SMU1: variants seen among roughly 807,000 people sequenced by gnomAD.
SMU1 encodes the protein SMU1 DNA replication regulator and spliceosomal factor.
Under a neutral mutation model 62.0 loss-of-function variants are expected in SMU1, and 2 were observed. The ratio of observed to expected loss-of-function variants is 0.03; its 90% CI spans 0.01 to 0.10. The LOEUF is 0.10. SMU1 is among the 10% of genes least tolerant of loss of function. The pLI is 1.00. For synonymous variants in SMU1, 188 were observed against 212.4 expected (o/e 0.89, Z 1.00); for missense variants, 227 against 622.1 (o/e 0.36, Z 6.76).
chr9:33,069,112 C>T (rs147435596), intron 3 of SMU1, among the ~76,000 whole-genome samples, 178 bp from the exon 4 acceptor site: 24 of 152,202 alleles, frequency 1.6e-4, no homozygotes, highest in Non-Finnish European at 2.9e-4. Context: ...CAATTCTGCC[C>T]GCTTGCATTT....
At chr9:33,071,272 A>C (rs776141683) in intron 3 of SMU1, among the ~76,000 whole-genome samples, 11 of 152,210 alleles carry the variant, frequency 7.2e-5, no homozygotes, top group Non-Finnish European at 1.5e-4. Context: ...AACTATACAG[A>C]TAATAACGTT....
intron 4 of SMU1, 37 bp downstream of exon 4, chr9:33,068,787 G>T (rs1360002107): frequency 6.2e-7 from 1 of 1,608,068 alleles, no homozygotes; most frequent in East Asian, 2.2e-5. Context: ...TGACAGGTGT[G>T]AGCCACCACA....
intron 4 of SMU1, among the ~76,000 whole-genome samples, chr9:33,065,551 CA>C (rs1264684113): frequency 6.6e-6 from 1 of 151,974 alleles, no homozygotes; most frequent in Non-Finnish European, 1.5e-5. Context: ...TAGTGGAAAC[CA>C]AAAACAGAGA....
chr9:33,061,855 G>T (rs920667796), intron 5 of SMU1, among the ~76,000 whole-genome samples, 194 bp downstream of exon 5: 1 of 152,206 alleles, frequency 6.6e-6, no homozygotes, highest in Admixed American at 6.5e-5. Context: ...TCCATTAGAT[G>T]ACACATCTGA....
intron 10 of SMU1, among the ~76,000 whole-genome samples, chr9:33,050,570 G>A (rs1839232683): frequency 6.7e-6 from 1 of 149,800 alleles, no homozygotes; most frequent in Non-Finnish European, 1.5e-5. Context: ...GCTCAGGCCT[G>A]TAATCCCAGC....
Position 33,053,102 on chromosome 9 carries a change from G to C in SMU1, c.1290+21C>G, listed in dbSNP as rs376972660. On this transcript the variant is annotated intron_variant, in intron 10 of 11. Coordinates refer to ENST00000397149, the MANE Select transcript of SMU1 (RefSeq NM_018225.3). ...GGAATGGCCCACAGTTCCTGTGCAA[G>C]GGTACGTTCTGAACACTCACCTGCC... 5.0e-6 allele frequency: 8 copies of C among 1,607,938 alleles called. No individual in the cohort carries two copies. The African/African-American group carries it at 1.1e-4, about 22-fold the overall frequency.
intron 6 of SMU1, among the ~76,000 whole-genome samples, chr9:33,060,043 G>A (rs1434215335): frequency 2.0e-5 from 3 of 151,558 alleles, no homozygotes; most frequent in Non-Finnish European, 4.4e-5. Flanking sequence ...TTGAGACAGT[G>A]TTGCTGCCCA....
At chr9:33,056,040 T>C (rs545024975) in intron 9 of SMU1, 73 bp downstream of exon 9, 1 of 1,451,724 alleles carries the variant, frequency 6.9e-7, no homozygotes, top group South Asian at 1.4e-5. Context: ...ATTCCCATTA[T>C]CACCACTGAA....
At position 33,073,704 on chromosome 9, in the gene SMU1, G is replaced by T; in HGVS notation, c.129C>A (p.Ser43Arg). 1.2e-6 allele frequency: 2 copies of T among 1,613,890 alleles called. No homozygotes were observed. Among genetic ancestry groups the T allele is most frequent in the Non-Finnish European group, 1.7e-6 (2 of 1,179,796 alleles). The change falls in exon 2 of 12, where the codon AGC becomes AGA. Residue 43 changes from serine (S) to arginine (R), a missense_variant. This residue lies in a region of SMU1 where 99 missense variants were observed against 270.3 expected (regional missense o/e 0.37). Coordinates refer to ENST00000397149, the MANE Select transcript of SMU1 (RefSeq NM_018225.3). Reference protein sequence around the residue: ...ETTVSLNTVDSIESFVADINS... With the variant: ...ETTVSLNTVDRIESFVADINS... ...TAATGTCAGCCACAAAACTCTCAAT[G>T]CTGTCCACAGTATTCAGAGACACAG...
At chr9:33,057,456 A>G in intron 7 of SMU1, 142 bp downstream of exon 7, 1 of 1,037,202 alleles carries the variant, frequency 9.6e-7, no homozygotes, top group Non-Finnish European at 1.4e-6. Flanking sequence ...AAGATTACAT[A>G]AGAAAAAGTA....
chr9:33,065,374 C>T (rs759271082), intron 4 of SMU1, among the ~76,000 whole-genome samples: 2 of 152,066 alleles, frequency 1.3e-5, no homozygotes, highest in Non-Finnish European at 2.9e-5. Flanking sequence ...CACATCTAAC[C>T]AATTAAATGT....
At chr9:33,053,016 G>C (rs547542099) in intron 10 of SMU1, 107 bp downstream of exon 10, 5 of 939,360 alleles carry the variant, frequency 5.3e-6, no homozygotes, top group Non-Finnish European at 1.7e-6. Flanking sequence ...ACGGTTTACA[G>C]AGAAATGAAC....
At chr9:33,057,065 G>A (rs979837458) in intron 7 of SMU1, 101 bp from the exon 8 acceptor site, 17 of 1,286,558 alleles carry the variant, frequency 1.3e-5, no homozygotes, top group Non-Finnish European at 1.7e-5. Context: ...CTAATGTACT[G>A]AAACAGCATT....
At chr9:33,070,241 C>CA (rs1193799848) in intron 3 of SMU1, among the ~76,000 whole-genome samples, 3 of 151,948 alleles carry the variant, frequency 2.0e-5, no homozygotes, top group Admixed American at 1.3e-4. Flanking sequence ...AGACATTTCT[C>CA]AAAAAAAGAC....
chr9:33,056,090 T>C, intron 9 of SMU1, 23 bp downstream of exon 9: 1 of 1,590,630 alleles, frequency 6.3e-7, no homozygotes, highest in East Asian at 2.3e-5. Context: ...CATCCCAAAA[T>C]AAACTGATAG....
intron 10 of SMU1, among the ~76,000 whole-genome samples, chr9:33,050,634 T>C (rs1437273779): frequency 2.0e-5 from 3 of 150,430 alleles, no homozygotes; most frequent in Non-Finnish European, 4.4e-5. Context: ...AAGACCAGCC[T>C]GGCCAAGATG....
At position 33,060,207 on chromosome 9, in the gene SMU1, G is replaced by A. The variant is rs111625698; in HGVS notation, c.750+258C>T. ...AAAAAATTTTTTTTGGTAGAGACGC[G>A]GTCTCACTATGCTGCCCCGGCTGGG... is the stretch of plus-strand genomic sequence containing the variant. On this transcript the variant is annotated intron_variant, in intron 6 of 11. Transcript: ENST00000397149. 4.9e-3 allele frequency among the ~76,000 whole-genome samples: 751 copies of A among 152,024 alleles called. 9 individuals carry two copies. The highest frequency in any genetic ancestry group is 0.017 in the African/African-American group (721 of 41,454).
intron 2 of SMU1, among the ~76,000 whole-genome samples, chr9:33,072,835 AAAAC>A (rs1306188671): frequency 1.3e-5 from 2 of 151,704 alleles, no homozygotes; most frequent in African/African-American, 4.8e-5. Context: ...TCTCAAAAAA[AAAAC>A]AAAAAAAAAA....
In SMU1 at chr9:33,056,822, G is replaced by T; in HGVS notation, c.995+15C>A. 1 of 1,609,242 alleles carries T rather than the reference G, an allele frequency of 6.2e-7. No individual in the cohort carries two copies. Among genetic ancestry groups the T allele is most frequent in the South Asian group, 1.1e-5 (1 of 90,744 alleles). On this transcript the variant is annotated intron_variant, in intron 8 of 11. Coordinates refer to ENST00000397149, the MANE Select transcript of SMU1 (RefSeq NM_018225.3). ...ATCAAACTCAAGTGAGAGCAGTTTT[G>T]GGATTTTTACTTACCTAATTGTCTG...
Sources: allele counts gnomAD v4.1 joint callset (sites outside exome capture counted in the v4.1 genomes callset), GRCh38; gene constraint gnomAD v4.1.1; regional missense constraint gnomAD v4.1.1; transcripts MANE v1.5; gene names NCBI Gene and HGNC (gene_info 2026-07-23, HGNC 2026-07-21).